POLR3A: variants seen among roughly 807,000 people sequenced by gnomAD.
POLR3A encodes the protein RNA polymerase III subunit A.
Under a neutral mutation model 152.8 loss-of-function variants are expected in POLR3A, and 112 were observed. That is an observed-to-expected ratio of 0.73 (90% CI 0.63 to 0.86). The LOEUF is 0.86. Among genes scored for constraint, POLR3A ranks in the 40% least tolerant of loss-of-function variants. The pLI, the probability that POLR3A is intolerant of heterozygous loss-of-function variation, is 0.00. For missense variants in POLR3A, 1,385 were observed against 1,743.1 expected (o/e 0.79, Z 3.66); for synonymous variants, 615 against 652.1 (o/e 0.94, Z 0.87).
At chr10:77,982,956 T>C (rs1847162798) in intron 26 of POLR3A, 139 bp from the exon 27 acceptor site, 2 of 718,236 alleles carry the variant, frequency 2.8e-6, no homozygotes, top group South Asian at 3.0e-5. Context: ...ATACCATAAA[T>C]ATGCTACATA....
At chr10:78,004,918 G>T in intron 15 of POLR3A, 30 bp from the exon 16 acceptor site, 2 of 1,600,958 alleles carry the variant, frequency 1.2e-6, no homozygotes, top group Non-Finnish European at 1.7e-6. Context: ...GGAAGAAAGG[G>T]CCATAAATGA....
chr10:78,021,263 G>A (rs978602244), intron 8 of POLR3A, among the ~76,000 whole-genome samples: 3 of 152,018 alleles, frequency 2.0e-5, no homozygotes, highest in African/African-American at 4.8e-5. Context: ...CACCATGCTC[G>A]GTCAAGATGT....
chr10:78,025,575 A>G (rs1847625180), intron 3 of POLR3A, 47 bp downstream of exon 3: 1 of 1,606,212 alleles, frequency 6.2e-7, no homozygotes, highest in Admixed American at 1.7e-5. Context: ...ATCCCTGACC[A>G]ATCACTCCAG....
At position 77,982,250 on chromosome 10, in the gene POLR3A, C is replaced by T. The variant is rs1038252389; in HGVS notation, c.3663G>A (p.Glu1221=). Residue 1221 remains glutamate (E), a synonymous_variant, in exon 28 of 31, where the codon GAG becomes GAA. Coordinates refer to ENST00000372371, the MANE Select transcript of POLR3A (RefSeq NM_007055.4). The part of the protein sequence containing the change: ...VIHIDEQSGK[E]KYKLLVEGDN... Reference sequence around the variant, plus strand: ...CACCTTCCACCAGAAGCTTGTACTTCTCCTTTCCACTCTGCTCGTCAATGT... The same window carrying T: ...CACCTTCCACCAGAAGCTTGTACTTTTCCTTTCCACTCTGCTCGTCAATGT... 2 of 1,613,874 alleles carry T rather than the reference C, an allele frequency of 1.2e-6. No homozygotes were observed. Among genetic ancestry groups the T allele is most frequent in the South Asian group, 1.1e-5 (1 of 91,074 alleles).
chr10:77,996,591 A>G (rs1271440160), intron 19 of POLR3A, among the ~76,000 whole-genome samples: 2 of 152,082 alleles, frequency 1.3e-5, no homozygotes, highest in African/African-American at 4.8e-5. Context: ...CGACACATAC[A>G]TCCTCCCAAG....
chr10:77,991,221 G>T, intron 20 of POLR3A, 54 bp from the exon 21 acceptor site: 2 of 978,820 alleles, frequency 2.0e-6, no homozygotes, highest in Non-Finnish European at 3.3e-6. Context: ...AGAGCAGGCG[G>T]TAGTAGATGA....
At chr10:77,984,422 C>G (rs1027967858) in intron 24 of POLR3A, 124 bp from the exon 25 acceptor site, 3 of 706,264 alleles carry the variant, frequency 4.2e-6, no homozygotes. Context: ...GTTTACTGAG[C>G]AAGCTCTGCC....
chr10:78,026,956 T>A (rs1199328795), intron 1 of POLR3A, among the ~76,000 whole-genome samples: 1 of 152,188 alleles, frequency 6.6e-6, no homozygotes, highest in Non-Finnish European at 1.5e-5. Flanking sequence ...ATTTCCTATG[T>A]GCCAGGCACC....
At chr10:78,022,838 T>A (rs550238674) in intron 5 of POLR3A, among the ~76,000 whole-genome samples, 1 of 152,126 alleles carries the variant, frequency 6.6e-6, no homozygotes, top group Non-Finnish European at 1.5e-5. Flanking sequence ...AACACAGCAA[T>A]TGACATAAAA....
chr10:78,025,857 TG>T (rs781305926), intron 2 of POLR3A, 98 bp from the exon 3 acceptor site: 14 of 1,273,014 alleles, frequency 1.1e-5, no homozygotes, highest in Non-Finnish European at 1.6e-5. Flanking sequence ...TCATTTCTTT[TG>T]CTTCTTAAAT....
At position 78,029,477 on chromosome 10, in the gene POLR3A, TC is replaced by T; in HGVS notation, c.-71del. On this transcript the variant is annotated 5_prime_UTR_variant, in exon 1 of 31. Transcript: ENST00000372371. ...TTAGAGAAACGATGCCCCCAGCACCTCCTGGGGCTGCTTCTGGACTCGCCGC... is the reference window on the plus strand; with the variant it reads ...TTAGAGAAACGATGCCCCCAGCACCTCTGGGGCTGCTTCTGGACTCGCCGC... 1 of 1,511,864 alleles carries T rather than the reference TC, an allele frequency of 6.6e-7. No individual in the cohort carries two copies. The highest frequency in any genetic ancestry group is 1.1e-5 in the South Asian group (1 of 88,934). The allele number at this position is 1,511,864 out of a possible 1,614,324, so 93.7% of individuals were successfully genotyped here.
intron 1 of POLR3A, among the ~76,000 whole-genome samples, chr10:78,027,577 G>C (rs964726850): frequency 6.6e-5 from 10 of 151,878 alleles, no homozygotes; most frequent in African/African-American, 2.2e-4. Context: ...CTGAGACAGA[G>C]TCTTGCTCTG....
intron 1 of POLR3A, among the ~76,000 whole-genome samples, chr10:78,027,613 C>T (rs534357379): frequency 1.8e-3 from 266 of 151,972 alleles, no homozygotes; most frequent in Middle Eastern, 3.4e-3. Flanking sequence ...TGCAGTGGTG[C>T]GATCTCAGCT....
chr10:78,012,155 G>A (rs984736129), intron 11 of POLR3A, among the ~76,000 whole-genome samples: 1 of 152,172 alleles, frequency 6.6e-6, no homozygotes, highest in Non-Finnish European at 1.5e-5. Context: ...ACCTGAGGTC[G>A]GGAGTTCAAG....
chr10:78,002,156 G>C lies in POLR3A; in HGVS notation c.2359+41C>G, dbSNP rs140966742. On this transcript the variant is annotated intron_variant, in intron 17 of 30. Transcript: ENST00000372371. ...TTTTCTGGAGCCAAACAGCCTGTACGGAGAACACACTGCCAGCAGGTGAGA... is the reference window on the plus strand; with the variant it reads ...TTTTCTGGAGCCAAACAGCCTGTACCGAGAACACACTGCCAGCAGGTGAGA... 1.1e-3 allele frequency: 1,434 copies of C among 1,264,690 alleles called. 18 individuals are homozygous for C. In the East Asian group the frequency reaches 0.024, roughly 21 times the overall value. 78.3% of individuals were successfully genotyped at this position (1,264,690 alleles called of 1,614,324 possible).
Position 77,985,136 on chromosome 10 carries a change from A to C in POLR3A, c.3242+34T>G, listed in dbSNP as rs7912213. 0.014 allele frequency: 21,171 copies of C among 1,557,126 alleles called. 2,298 individuals carry two copies. In the African/African-American group the frequency reaches 0.24, roughly 18 times the overall value. On this transcript the variant is annotated intron_variant, in intron 24 of 30. Transcript: ENST00000372371. ...TTGTTTCTCAGGAAACAGGACAGGC[A>C]TGTGTGGAACAAGAAGGAAATGAAA...
At position 78,021,947 on chromosome 10, in the gene POLR3A, T is replaced by C. The variant is rs753415061; in HGVS notation, c.961A>G (p.Ile321Val). 3 of 1,614,060 alleles carry C rather than the reference T, an allele frequency of 1.9e-6. No homozygotes were observed. The highest frequency in any genetic ancestry group is 2.7e-5 in the African/African-American group (2 of 74,920). ...GGAATGCCCGAGAGCTCACTGTTAA[T>C]GTAGAGGGCACACTGCAGCTGCAGG... ...DFLQLQCALYINSELSGIPLN... is the reference protein window; with the variant it reads ...DFLQLQCALYVNSELSGIPLN... The change falls in exon 7 of 31, where the codon ATT becomes GTT. Residue 321 changes from isoleucine to valine, a missense_variant. By Grantham distance (29) the Ile-to-Val change is conservative. Around this residue, in one of 7 missense-constraint regions of POLR3A, gnomAD observed 493 missense variants for 647.5 expected, o/e 0.76. Coordinates refer to ENST00000372371, the MANE Select transcript of POLR3A (RefSeq NM_007055.4).
At position 77,975,446 on chromosome 10, in the gene POLR3A, T is replaced by G. The variant is rs897772825; in HGVS notation, c.*2032A>C. 5 of 152,328 alleles carry G rather than the reference T, an allele frequency of 3.3e-5. No homozygotes were observed. The highest frequency in any genetic ancestry group is 1.2e-4 in the African/African-American group (5 of 41,510). 9.4% of individuals were successfully genotyped at this position (152,328 alleles called of 1,614,324 possible). A position where few individuals can be genotyped will look rare whatever the true frequency, so the allele number is the denominator to read the frequency against. On this transcript the variant is annotated 3_prime_UTR_variant, in exon 31 of 31. Coordinates refer to ENST00000372371, the MANE Select transcript of POLR3A (RefSeq NM_007055.4). ...GACCAGCACCTCCAGGACGTATGAC[T>G]TCCCCCCCTACCCATGGGTGATGTG...
chr10:78,025,236 C>G (rs1461718210), intron 3 of POLR3A, 94 bp from the exon 4 acceptor site: 5 of 1,313,580 alleles, frequency 3.8e-6, no homozygotes, highest in Non-Finnish European at 5.5e-6. Flanking sequence ...GTACCCTTAA[C>G]CACGTGACCA....
Sources: gnomAD v4.1 joint callset for allele counts (sites outside exome capture counted in the v4.1 genomes callset) on GRCh38, gnomAD v4.1.1 for gene constraint, gnomAD v4.1.1 regional missense constraint, MANE v1.5 for transcripts, NCBI Gene and HGNC (gene_info 2026-07-23, HGNC 2026-07-21) for gene names.